TTLL7: variants seen among roughly 807,000 people sequenced by gnomAD.
The protein encoded by TTLL7 is tubulin tyrosine ligase like 7, also known as tubulin polyglutamylase TTLL7.
In TTLL7, 53 loss-of-function variants were observed where a neutral mutation model predicts 120.2. The observed-to-expected ratio is 0.44, with a 90% CI of 0.35 to 0.55. TTLL7 has a LOEUF of 0.55. Ranked by LOEUF, TTLL7 falls within the 20% of genes least tolerant of loss-of-function variation. The probability of loss-of-function intolerance (pLI) is 0.00; values close to 1 mark genes in which losing one functional copy is unlikely to be tolerated. For missense variants in TTLL7, 803 were observed against 1,054.7 expected, an observed-to-expected ratio of 0.76 and a Z score of 3.31; for synonymous variants, 353 against 351.7, an observed-to-expected ratio of 1.00 and a Z score of -0.04.
In TTLL7 at chr1:83,913,828, A is replaced by G. The variant is rs1030492145; in HGVS notation, c.1588-2465T>C. Among the ~76,000 whole-genome samples, 5 of 151,776 alleles carry G rather than the reference A, an allele frequency of 3.3e-5. 1 individual carries two copies. In the East Asian group the frequency reaches 7.7e-4, roughly 23 times the overall value. On this transcript the variant is annotated intron_variant, in intron 14 of 20. Coordinates refer to ENST00000260505, the MANE Select transcript of TTLL7 (RefSeq NM_024686.6). ...AAGAGGTTATAGTTTTGTTTGGATG[A>G]CAAGCCTTATATAAATGAAACCCAG... is the stretch of plus-strand genomic sequence containing the variant.
chr1:83,979,653 C>T (rs951691762), intron 1 of TTLL7: 1 of 152,132 alleles, frequency 6.6e-6, no homozygotes, highest in Non-Finnish European at 1.5e-5. Flanking sequence ...AAACTAAATT[C>T]CATCCAAAAT....
At chr1:83,916,664 G>A (rs1285244294) in intron 14 of TTLL7, among the ~76,000 whole-genome samples, 3 of 151,618 alleles carry the variant, frequency 2.0e-5, no homozygotes, top group African/African-American at 7.3e-5. Context: ...AAATATGATA[G>A]AAGACAAAGT....
At chr1:83,937,361 C>G (rs113491865) in intron 8 of TTLL7, among the ~76,000 whole-genome samples, 3,289 of 152,108 alleles carry the variant, frequency 0.022, 55 homozygotes, top group African/African-American at 0.044. Flanking sequence ...GCCACCACAT[C>G]CGGCTAATTT....
intron 4 of TTLL7, chr1:83,949,619 C>A (rs113237780): frequency 0.016 from 6,289 of 400,948 alleles, 84 homozygotes; most frequent in Admixed American, 0.022. Flanking sequence ...AGCCACCACG[C>A]CCAACCAGAA....
intron 1 of TTLL7, among the ~76,000 whole-genome samples, chr1:83,991,554 G>A (rs1170602808): frequency 6.6e-6 from 1 of 152,102 alleles, no homozygotes; most frequent in Non-Finnish European, 1.5e-5. Context: ...TGAGGTGGGA[G>A]GATCGCTTGA....
At chr1:83,991,386 C>T (rs930521001) in intron 1 of TTLL7, among the ~76,000 whole-genome samples, 10 of 152,128 alleles carry the variant, frequency 6.6e-5, no homozygotes, top group Admixed American at 3.3e-4. Flanking sequence ...TGGTTCACAC[C>T]TGTAATCCCT....
At chr1:83,909,667 A>G (rs1162101280) in intron 15 of TTLL7, among the ~76,000 whole-genome samples, 1 of 152,190 alleles carries the variant, frequency 6.6e-6, no homozygotes, top group East Asian at 1.9e-4. Context: ...ACTTAAAAAC[A>G]TTTTAAAAAT....
intron 1 of TTLL7, among the ~76,000 whole-genome samples, chr1:83,955,744 C>T (rs984626281): frequency 7.9e-5 from 12 of 152,162 alleles, no homozygotes; most frequent in Non-Finnish European, 1.6e-4. Context: ...GGCACCATGG[C>T]TCATGCCTAT....
intron 20 of TTLL7, among the ~76,000 whole-genome samples, chr1:83,876,573 G>A (rs1281394930): frequency 6.6e-6 from 1 of 151,932 alleles, no homozygotes; most frequent in African/African-American, 2.4e-5. Flanking sequence ...ATAATATTGA[G>A]TGCAATGATG....
chr1:83,875,167 T>C (rs1050821673), intron 20 of TTLL7, among the ~76,000 whole-genome samples: 1 of 152,060 alleles, frequency 6.6e-6, no homozygotes, highest in Middle Eastern at 3.4e-3. Flanking sequence ...TCCCTCCTCA[T>C]AAAGTTAACC....
At chr1:83,988,015 T>C (rs1268000095) in intron 1 of TTLL7, among the ~76,000 whole-genome samples, 22 of 152,328 alleles carry the variant, frequency 1.4e-4, no homozygotes, top group Non-Finnish European at 4.4e-5. Context: ...TTGGTAGTTT[T>C]TCAGCCCACA....
chr1:83,962,211 C>G (rs940618302), intron 1 of TTLL7, among the ~76,000 whole-genome samples: 1 of 152,168 alleles, frequency 6.6e-6, no homozygotes, highest in East Asian at 1.9e-4. Context: ...TTTTTAGTGT[C>G]CAAAACTTAA....
chr1:83,973,556 TCTTGC>T (rs1315645528), intron 1 of TTLL7, among the ~76,000 whole-genome samples: 1 of 152,062 alleles, frequency 6.6e-6, no homozygotes, highest in Admixed American at 6.6e-5. Flanking sequence ...CTTCTGGGTC[TCTTGC>T]CTTTCCATAA....
At chr1:83,920,976 G>A in intron 12 of TTLL7, 111 bp downstream of exon 12, 1 of 1,176,758 alleles carries the variant, frequency 8.5e-7, no homozygotes, top group South Asian at 1.6e-5. Context: ...AAAAGCACTT[G>A]CTTGGAATGA....
chr1:83,950,184 G>A (rs1648910039), intron 3 of TTLL7, among the ~76,000 whole-genome samples, 198 bp from the exon 4 acceptor site: 1 of 152,010 alleles, frequency 6.6e-6, no homozygotes, highest in Admixed American at 6.6e-5. Context: ...CTGTTTTTCG[G>A]TTGCACCCAA....
intron 1 of TTLL7, among the ~76,000 whole-genome samples, chr1:83,952,647 CAAT>C (rs988070747): frequency 2.0e-5 from 3 of 152,068 alleles, no homozygotes; most frequent in Admixed American, 6.6e-5. Context: ...TATACACAAA[CAAT>C]AACAGCAATA....
chr1:83,998,235 T>A (rs1653661521), intron 1 of TTLL7, among the ~76,000 whole-genome samples: 1 of 152,196 alleles, frequency 6.6e-6, no homozygotes, highest in Admixed American at 6.5e-5. Flanking sequence ...TTCTGGATTA[T>A]GATGATTTAA....
rs995787371 is a variant in TTLL7, at chr1:83,908,927, TA to T, written c.1787-1267del. Among the ~76,000 whole-genome samples, 55 of 151,812 alleles carry T rather than the reference TA, an allele frequency of 3.6e-4. 1 individual carries two copies. The highest frequency in any genetic ancestry group is 3.1e-4 in the Non-Finnish European group (21 of 67,920). On this transcript the variant is annotated intron_variant, in intron 15 of 20. Transcript: ENST00000260505. ...TATACTTATTTAAGCTATAAAAGAT[TA>T]AAAAAAACTTCTCTTTGTTCCAATG...
At chr1:83,925,608 C>T (rs767949831) in intron 10 of TTLL7, among the ~76,000 whole-genome samples, 65 of 152,212 alleles carry the variant, frequency 4.3e-4, no homozygotes, top group Non-Finnish European at 8.5e-4. Flanking sequence ...AGGATTCAGT[C>T]GATTCATAAT....
Sources: gnomAD v4.1 joint callset for allele counts (sites outside exome capture counted in the v4.1 genomes callset) on GRCh38, gnomAD v4.1.1 for gene constraint, MANE v1.5 for transcripts, NCBI Gene and HGNC (gene_info 2026-07-23, HGNC 2026-07-21) for gene names.